DOK6: variants seen among roughly 807,000 people sequenced by gnomAD.
DOK6 encodes the protein downstream of tyrosine kinase 6.
DOK6 carries 22 observed loss-of-function variants against 44.0 expected under a neutral mutation model. The observed-to-expected ratio is 0.50, with a 90% confidence interval of 0.36 to 0.71. The LOEUF (loss-of-function observed/expected upper bound fraction) is 0.71. Ranked by LOEUF, DOK6 falls within the 30% of genes least tolerant of loss-of-function variation. The pLI is 0.00. For missense variants in DOK6, 340 were observed against 416.4 expected (o/e 0.82, Z 1.60); for synonymous variants, 166 against 145.5 (o/e 1.14, Z -1.01).
intron 6 of DOK6, among the ~76,000 whole-genome samples, chr18:69,741,620 C>T (rs1978800901): frequency 1.3e-5 from 2 of 152,146 alleles, no homozygotes; most frequent in African/African-American, 4.8e-5. Flanking sequence ...GCCTCAGCCC[C>T]CAACTAGCTG....
At chr18:69,830,759 C>A (rs906964480) in intron 7 of DOK6, among the ~76,000 whole-genome samples, 35 of 152,140 alleles carry the variant, frequency 2.3e-4, no homozygotes, top group South Asian at 2.1e-4. Context: ...GACATTACTT[C>A]TTCTCTGAAG....
chr18:69,651,419 CT>C (rs1004806603), intron 3 of DOK6, among the ~76,000 whole-genome samples: 3 of 150,488 alleles, frequency 2.0e-5, no homozygotes, highest in Non-Finnish European at 2.9e-5. Context: ...CACAGCTGGA[CT>C]TTTTGGTTCC....
intron 1 of DOK6, among the ~76,000 whole-genome samples, chr18:69,509,972 A>C (rs1981319395): frequency 6.6e-6 from 1 of 152,352 alleles, no homozygotes; most frequent in East Asian, 1.9e-4. Context: ...GGTAATGTTC[A>C]ACTTGATCAA....
At chr18:69,651,477 C>CG (rs1278070428) in intron 3 of DOK6, among the ~76,000 whole-genome samples, 2 of 149,456 alleles carry the variant, frequency 1.3e-5, no homozygotes, top group African/African-American at 5.0e-5. Flanking sequence ...ATCAGCCCCC[C>CG]GCTCCTTTTT....
intron 5 of DOK6, among the ~76,000 whole-genome samples, chr18:69,701,563 G>A (rs1384055354): frequency 2.6e-5 from 4 of 152,146 alleles, no homozygotes. Flanking sequence ...ATCAAGATGA[G>A]TGAAAATGCC....
At chr18:69,564,365 T>G in intron 1 of DOK6, 122 bp from the exon 2 acceptor site, 1 of 699,138 alleles carries the variant, frequency 1.4e-6, no homozygotes. Flanking sequence ...TAAGAACATG[T>G]TTGTCAATCA....
At chr18:69,731,790 A>G (rs1978412513) in intron 5 of DOK6, among the ~76,000 whole-genome samples, 1 of 152,232 alleles carries the variant, frequency 6.6e-6, no homozygotes, top group Non-Finnish European at 1.5e-5. Context: ...CAATCGTAAC[A>G]TGGCAGTTAA....
chr18:69,681,866 T>C (rs961591752), intron 4 of DOK6, among the ~76,000 whole-genome samples: 3 of 152,152 alleles, frequency 2.0e-5, no homozygotes, highest in Admixed American at 6.5e-5. Context: ...GCAAATGCAG[T>C]TGGAAATGGA....
intron 1 of DOK6, among the ~76,000 whole-genome samples, chr18:69,420,988 T>C (rs1978476703): frequency 6.6e-6 from 1 of 152,212 alleles, no homozygotes. Flanking sequence ...GTAATGTCAC[T>C]AACGATTCCT....
intron 1 of DOK6, among the ~76,000 whole-genome samples, chr18:69,473,587 A>G (rs1599147816): frequency 6.6e-6 from 1 of 152,288 alleles, no homozygotes; most frequent in East Asian, 1.9e-4. Flanking sequence ...CAGCACTGTC[A>G]GTCTATGCTC....
At chr18:69,741,064 G>A (rs981191895) in intron 6 of DOK6, among the ~76,000 whole-genome samples, 7 of 152,310 alleles carry the variant, frequency 4.6e-5, no homozygotes, top group Admixed American at 2.6e-4. Flanking sequence ...TCCAGTCAAT[G>A]TAACCACAGG....
chr18:69,647,357 G>A (rs61164753), intron 3 of DOK6: 17,867 of 152,208 alleles, frequency 0.12, 1,172 homozygotes, highest in East Asian at 0.2. Flanking sequence ...TGAAGGGTAT[G>A]ATGTTGGAGG....
At chr18:69,775,307 T>A (rs117356084) in intron 7 of DOK6, among the ~76,000 whole-genome samples, 3,225 of 151,854 alleles carry the variant, frequency 0.021, 48 homozygotes, top group Middle Eastern at 0.075. Context: ...AGAACTGGAG[T>A]ACAAGAAGTA....
intron 1 of DOK6, among the ~76,000 whole-genome samples, chr18:69,430,113 T>G (rs1024597984): frequency 6.6e-5 from 10 of 152,184 alleles, no homozygotes; most frequent in Non-Finnish European, 1.0e-4. Flanking sequence ...GGGACAATTA[T>G]AACTATTAGA....
At chr18:69,436,929 C>CA (rs1978996835) in intron 1 of DOK6, among the ~76,000 whole-genome samples, 2 of 152,016 alleles carry the variant, frequency 1.3e-5, no homozygotes, top group African/African-American at 4.8e-5. Flanking sequence ...AGCTTTTTTT[C>CA]TATGTTTGTT....
At chr18:69,452,454 G>A (rs1016937113) in intron 1 of DOK6, among the ~76,000 whole-genome samples, 1 of 127,368 alleles carries the variant, frequency 7.9e-6, no homozygotes, top group African/African-American at 3.1e-5. Context: ...AGGACCAGAT[G>A]AATTCACAGC....
At chr18:69,683,369 C>G (rs1012624010) in intron 4 of DOK6, among the ~76,000 whole-genome samples, 3 of 152,142 alleles carry the variant, frequency 2.0e-5, no homozygotes, top group Non-Finnish European at 4.4e-5. Flanking sequence ...AAATCCAAAC[C>G]CTCCATAACT....
At chr18:69,504,099 G>C (rs1981119807) in intron 1 of DOK6, among the ~76,000 whole-genome samples, 1 of 151,890 alleles carries the variant, frequency 6.6e-6, no homozygotes, top group South Asian at 2.1e-4. Flanking sequence ...TACCAATCTA[G>C]TTGTCTAGTC....
intron 1 of DOK6, among the ~76,000 whole-genome samples, chr18:69,462,246 T>G (rs1371835344): frequency 6.6e-6 from 1 of 152,194 alleles, no homozygotes; most frequent in Non-Finnish European, 1.5e-5. Context: ...CTGTGTATTT[T>G]TTTAACCATG....
Sources: allele counts gnomAD v4.1 joint callset (sites outside exome capture counted in the v4.1 genomes callset), GRCh38; gene constraint gnomAD v4.1.1; transcripts MANE v1.5; gene names NCBI Gene and HGNC (gene_info 2026-07-23, HGNC 2026-07-21).